Variants in MYT1L observed in about 807,000 individuals in gnomAD.
MYT1L encodes myelin transcription factor 1-like protein.
A neutral mutation model predicts 126.7 loss-of-function variants in MYT1L; 12 were observed. The observed-to-expected ratio is 0.09, with a 90% CI of 0.06 to 0.15. MYT1L has a LOEUF of 0.15. Among genes scored for constraint, MYT1L ranks in the 10% least tolerant of loss-of-function variants. The pLI, the probability that MYT1L is intolerant of heterozygous loss-of-function variation, is 1.00. For synonymous variants in MYT1L, 541 were observed against 604.2 expected (o/e 0.90, Z 1.53); for missense variants, 979 against 1,585.2 (o/e 0.62, Z 6.49).
chr2:2,071,766 T>A (rs1361676196), intron 3 of MYT1L, among the ~76,000 whole-genome samples: 1 of 152,046 alleles, frequency 6.6e-6, no homozygotes, highest in Admixed American at 6.5e-5. Context: ...AATGGGGGAA[T>A]TGATAAGGGG....
chr2:1,927,982 C>T (rs2054459130), intron 9 of MYT1L, among the ~76,000 whole-genome samples: 1 of 152,198 alleles, frequency 6.6e-6, no homozygotes, highest in African/African-American at 2.4e-5. Context: ...GAGACAGGGT[C>T]TGGCTCTGTT....
chr2:2,056,746 G>A (rs1188434709), intron 3 of MYT1L, among the ~76,000 whole-genome samples: 3 of 152,202 alleles, frequency 2.0e-5, no homozygotes, highest in Non-Finnish European at 4.4e-5. Context: ...TGTTTAGCAG[G>A]CAGCTTAGCT....
chr2:2,244,615 C>A (rs2094497940), intron 2 of MYT1L, among the ~76,000 whole-genome samples: 1 of 152,200 alleles, frequency 6.6e-6, no homozygotes, highest in Non-Finnish European at 1.5e-5. Context: ...ATAAGCTGAA[C>A]TATCGGAAAT....
rs951376833 is a variant in MYT1L, at chr2:1,885,018, C to T, written c.2711+1521G>A. On this transcript the variant is annotated intron_variant, in intron 18 of 24. Coordinates refer to ENST00000647738, the MANE Select transcript of MYT1L (RefSeq NM_001303052.2). ...GGGATGCAAGCCAAAGAAAACGAAT[C>T]CCTGCAGTCTCTGACCAGTTAGAGG... Among the ~76,000 whole-genome samples the T allele has an allele frequency of 2.0e-5, 3 of 152,362 alleles. No homozygotes were observed. In the South Asian group the frequency reaches 6.2e-4, roughly 32 times the overall value.
At chr2:2,103,104 T>G (rs2078297855) in intron 3 of MYT1L, among the ~76,000 whole-genome samples, 1 of 152,106 alleles carries the variant, frequency 6.6e-6, no homozygotes, top group South Asian at 2.1e-4. Flanking sequence ...TTCCTCCACA[T>G]GCTTACATGT....
chr2:1,839,809 C>G lies in MYT1L; in HGVS notation c.2859-439G>C, dbSNP rs143171469. On this transcript the variant is annotated intron_variant, in intron 20 of 24. Transcript: ENST00000647738. ...GGCTGTTTCGTGCTTTTCTCAAGAG[C>G]TAGAAGACATTTATTTGTCTGGCCG... is the stretch of plus-strand genomic sequence containing the variant. Among the ~76,000 whole-genome samples, 77 of 152,358 alleles carry G rather than the reference C, an allele frequency of 5.1e-4. 1 individual carries two copies. The East Asian group carries it at 0.015, about 29-fold the overall frequency.
intron 2 of MYT1L, among the ~76,000 whole-genome samples, chr2:2,223,551 C>G (rs1335374090): frequency 6.6e-6 from 1 of 152,202 alleles, no homozygotes; most frequent in Non-Finnish European, 1.5e-5. Context: ...GTATTAGGCA[C>G]TTCCGAAAAT....
At chr2:1,915,751 C>T (rs2052727489) in intron 11 of MYT1L, among the ~76,000 whole-genome samples, 1 of 152,122 alleles carries the variant, frequency 6.6e-6, no homozygotes, top group Non-Finnish European at 1.5e-5. Context: ...TACATCTTAG[C>T]CCGGAGCTTA....
chr2:2,215,611 T>A (rs569028566), intron 2 of MYT1L, among the ~76,000 whole-genome samples: 1 of 152,354 alleles, frequency 6.6e-6, no homozygotes, highest in East Asian at 1.9e-4. Flanking sequence ...CCTATCCTGA[T>A]AATTGATAGA....
At position 1,811,085 on chromosome 2, in the gene MYT1L, G is replaced by A. The variant is rs964489113; in HGVS notation, c.3081-1918C>T. The A allele has an allele frequency of 3.9e-5, 6 of 152,142 alleles. No homozygotes were observed. The highest frequency in any genetic ancestry group is 9.7e-5 in the African/African-American group (4 of 41,434). 9.4% of individuals were successfully genotyped at this position (152,142 alleles called of 1,614,324 possible). ...CCATGTGAGGACAGAGTGAGAAGGCGTCGTCCACCAACCAGAGAGCAGCAG... is the reference window on the plus strand; with the variant it reads ...CCATGTGAGGACAGAGTGAGAAGGCATCGTCCACCAACCAGAGAGCAGCAG... On this transcript the variant is annotated intron_variant, in intron 21 of 24. Transcript: ENST00000647738. This position sits in a 1 kb window ranked among gnomAD's most constrained non-coding sequence, Gnocchi z 4.4.
chr2:2,109,927 C>G (rs986603744), intron 3 of MYT1L, among the ~76,000 whole-genome samples: 1 of 102,750 alleles, frequency 9.7e-6, no homozygotes, highest in East Asian at 2.9e-4. Flanking sequence ...ATATATATCC[C>G]TTTCAGAATA....
chr2:2,193,460 G>A (rs1461307225), intron 2 of MYT1L, among the ~76,000 whole-genome samples: 2 of 152,266 alleles, frequency 1.3e-5, no homozygotes, highest in East Asian at 1.9e-4. Flanking sequence ...GGCTGCACAC[G>A]GTCAGTTGTC....
Position 1,801,875 on chromosome 2 carries a change from T to C in MYT1L, c.3173-76A>G. ...GAGTTAGAATTTTGGGAGCTTTCTT[T>C]GTTCCTTTTATATTCGTAATTGAAT... On this transcript the variant is annotated intron_variant, in intron 22 of 24. Transcript: ENST00000647738. This position sits in a 1 kb window ranked among gnomAD's most constrained non-coding sequence, Gnocchi z 4.2. 1 of 887,642 alleles carries C rather than the reference T, an allele frequency of 1.1e-6. No homozygotes were observed. The highest frequency in any genetic ancestry group is 2.6e-5 in the Admixed American group (1 of 37,962). The allele number at this position is 887,642 out of a possible 1,614,324, so 55.0% of individuals were successfully genotyped here. A position where few individuals can be genotyped will look rare whatever the true frequency, so the allele number is the denominator to read the frequency against.
intron 19 of MYT1L, among the ~76,000 whole-genome samples, chr2:1,843,537 A>G (rs1323578386): frequency 6.6e-6 from 1 of 151,366 alleles, no homozygotes; most frequent in Non-Finnish European, 1.5e-5. Flanking sequence ...TGTCTTACCC[A>G]GGGAGAATTA....
intron 2 of MYT1L, among the ~76,000 whole-genome samples, chr2:2,256,592 C>A (rs1339715873): frequency 6.6e-6 from 1 of 152,146 alleles, no homozygotes; most frequent in Non-Finnish European, 1.5e-5. Context: ...AACAGAAATC[C>A]AAAGAGATGC....
At chr2:2,101,272 C>T (rs568539561) in intron 3 of MYT1L, among the ~76,000 whole-genome samples, 4 of 152,180 alleles carry the variant, frequency 2.6e-5, no homozygotes, top group East Asian at 1.9e-4. Flanking sequence ...CTAACTCTTA[C>T]GTGGTGAGGC....
intron 8 of MYT1L, among the ~76,000 whole-genome samples, chr2:1,959,417 C>T (rs2058776982): frequency 6.6e-6 from 1 of 152,216 alleles, no homozygotes; most frequent in Admixed American, 6.5e-5. Context: ...AGAGACAGGG[C>T]TGTGACTTCA....
chr2:2,060,156 C>T lies in MYT1L; in HGVS notation c.-303-6033G>A, dbSNP rs547919576. Among the ~76,000 whole-genome samples the T allele has an allele frequency of 1.5e-4, 23 of 152,336 alleles. No individual in the cohort carries two copies. The South Asian group carries it at 4.3e-3, about 29-fold the overall frequency. On this transcript the variant is annotated intron_variant, in intron 3 of 24. Coordinates refer to ENST00000647738, the MANE Select transcript of MYT1L (RefSeq NM_001303052.2). ...CAGATAGCGTGGCAGCAAGGAAGGA[C>T]TGCAGCTTCAGGGGTGACACTCCCT...
intron 3 of MYT1L, among the ~76,000 whole-genome samples, chr2:2,069,224 C>T (rs568460180): frequency 6.6e-6 from 1 of 152,096 alleles, no homozygotes. Flanking sequence ...CCTCTCCTAG[C>T]CCCCGACACC....
Sources: allele counts gnomAD v4.1 joint callset (sites outside exome capture counted in the v4.1 genomes callset), GRCh38; gene constraint gnomAD v4.1.1; non-coding constraint Gnocchi (gnomAD v3.1); transcripts MANE v1.5; gene names NCBI Gene and HGNC (gene_info 2026-07-23, HGNC 2026-07-21).